ZSWIM2: variants seen among roughly 807,000 people sequenced by gnomAD.
The protein encoded by ZSWIM2 is E3 ubiquitin-protein ligase ZSWIM2.
ZSWIM2 carries 38 observed loss-of-function variants against 48.4 expected under a neutral mutation model. The observed-to-expected ratio is 0.79, with a 90% CI of 0.61 to 1.03. The LOEUF (loss-of-function observed/expected upper bound fraction) is 1.03. ZSWIM2 is among the 50% of genes least tolerant of loss of function. The probability of loss-of-function intolerance (pLI) is 0.00; values close to 1 mark genes in which losing one functional copy is unlikely to be tolerated. For synonymous variants in ZSWIM2, 240 were observed against 251.3 expected (o/e 0.96, Z 0.42); for missense variants, 776 against 730.2 (o/e 1.06, Z -0.72).
chr2:186,847,071 T>A lies in ZSWIM2; in HGVS notation c.242+648A>T, dbSNP rs544379097. Among the ~76,000 whole-genome samples the A allele has an allele frequency of 4.1e-5, 6 of 146,918 alleles. No individual in the cohort carries two copies. The South Asian group carries it at 1.3e-3, about 31-fold the overall frequency. On this transcript the variant is annotated intron_variant, in intron 2 of 8. Transcript: ENST00000295131. ...TAAGGCTGAAAAATCACTTATTGGG[T>A]ACAATGTTCACTATTGGGGTGATTA...
At chr2:186,831,961 A>C (rs1195131709) in intron 7 of ZSWIM2, among the ~76,000 whole-genome samples, 1 of 152,100 alleles carries the variant, frequency 6.6e-6, no homozygotes, top group African/African-American at 2.4e-5. Flanking sequence ...CCAACATGGC[A>C]CATGTATACA....
intron 6 of ZSWIM2, 36 bp downstream of exon 6, chr2:186,833,910 A>G (rs1260905886): frequency 6.6e-7 from 1 of 1,523,696 alleles, no homozygotes; most frequent in African/African-American, 1.4e-5. Context: ...CAGGACAAAT[A>G]GAAACACTGT....
At position 186,843,968 on chromosome 2, in the gene ZSWIM2, T is replaced by A. The variant is rs192705272; in HGVS notation, c.283+749A>T. Among the ~76,000 whole-genome samples, 132 of 151,864 alleles carry A rather than the reference T, an allele frequency of 8.7e-4. 1 individual carries two copies. The highest frequency in any genetic ancestry group is 1.6e-3 in the Non-Finnish European group (109 of 67,672). On this transcript the variant is annotated intron_variant, in intron 3 of 8. Transcript: ENST00000295131. Reference sequence around the variant, plus strand: ...AAACTTGCCTAAATAAAACCAATTCTTTTTGAATAGAAAAAATTTAAAACT... The same window carrying A: ...AAACTTGCCTAAATAAAACCAATTCATTTTGAATAGAAAAAATTTAAAACT...
At position 186,833,157 on chromosome 2, in the gene ZSWIM2, T is replaced by C. The variant is rs140928382; in HGVS notation, c.904A>G (p.Ile302Val). 3,598 of 1,513,434 alleles carry C rather than the reference T, an allele frequency of 2.4e-3. 13 individuals are homozygous for C. Among genetic ancestry groups the C allele is most frequent in the Admixed American group, 3.6e-3 (163 of 45,154 alleles). The allele number at this position is 1,513,434 out of a possible 1,614,324, so 93.8% of individuals were successfully genotyped here. The stretch of plus-strand genomic sequence containing the variant: ...TGAAAATGTGACATCTTTTCTTCAA[T>C]CTCATTTTTAGTATCTATGTATTTT... ...VVKYIDTKNE[I>V]EEKMSHFQEK... is the part of the protein sequence containing the mutation. The change falls in exon 7 of 9, where the codon ATT becomes GTT. Residue 302 changes from isoleucine (I) to valine (V), a missense_variant. By Grantham distance (29) the Ile-to-Val change is conservative (BLOSUM62 3). Transcript: ENST00000295131.
intron 5 of ZSWIM2, among the ~76,000 whole-genome samples, chr2:186,835,364 A>C (rs2105817930): frequency 6.6e-6 from 1 of 152,330 alleles, no homozygotes; most frequent in South Asian, 2.1e-4. Context: ...GCAGTAGTCA[A>C]GTAAACTTAT....
chr2:186,830,033 T>TA (rs1288881447), intron 7 of ZSWIM2, among the ~76,000 whole-genome samples, 153 bp from the exon 8 acceptor site: 2 of 152,124 alleles, frequency 1.3e-5, no homozygotes, highest in African/African-American at 2.4e-5. Flanking sequence ...ATTATAAAGT[T>TA]AAAAAAATCT....
rs772575533 is a variant in ZSWIM2 at position 186,847,734 on chromosome 2, C to T, written c.227G>A (p.Cys76Tyr). The change falls in exon 2 of 9, where the codon TGT (cysteine) becomes TAT (tyrosine). Residue 76 changes from cysteine (C) to tyrosine (Y), a missense_variant. Coordinates refer to ENST00000295131, the MANE Select transcript of ZSWIM2 (RefSeq NM_182521.3). ...AGTCACTTACCAGCAGATATGCTTA[C>T]AAAGTTCCCCTCCTTTCGGAAATGT... ...CSTFPKGGEL[C>Y]KHICWVLLKK... 6.2e-7 allele frequency: 1 copy of T among 1,603,942 alleles called. No homozygotes were observed. Among genetic ancestry groups the T allele is most frequent in the African/African-American group, 1.3e-5 (1 of 74,478 alleles).
chr2:186,828,769 T>C lies in ZSWIM2; in HGVS notation c.1117A>G (p.Asn373Asp). Residue 373 changes from asparagine to aspartate, a missense_variant, in exon 9 of 9, where the codon AAC (asparagine) becomes GAC (aspartate). Physicochemically the swap from Asn to Asp is conservative, Grantham distance 23. Coordinates refer to ENST00000295131, the MANE Select transcript of ZSWIM2 (RefSeq NM_182521.3). ...GAATTGCACTTGTGGAATAACCAGT[T>C]GTCAATACACTTCCTGTGAAACTTT... ...THKFHRKCID[N>D]WLFHKCNSCP... 5.1e-6 allele frequency: 8 copies of C among 1,573,788 alleles called. No individual in the cohort carries two copies. Among genetic ancestry groups the C allele is most frequent in the Non-Finnish European group, 6.9e-6 (8 of 1,160,386 alleles).
chr2:186,838,347 TAA>T lies in ZSWIM2; in HGVS notation c.494+610_494+611del, dbSNP rs762167435. On this transcript the variant is annotated intron_variant, in intron 4 of 8. Coordinates refer to ENST00000295131, the MANE Select transcript of ZSWIM2 (RefSeq NM_182521.3). ...AAATATTATTGTTGGCATTAATGAG[TAA>T]AAAAAAAAAAAGATTTGTACATATG... is the stretch of plus-strand genomic sequence containing the variant. 2.7e-3 allele frequency among the ~76,000 whole-genome samples: 379 copies of T among 138,668 alleles called. 2 individuals are homozygous for T. The highest frequency in any genetic ancestry group is 9.0e-3 in the African/African-American group (346 of 38,452). The allele number at this position is 138,668 out of a possible 152,430, so 91.0% of individuals were successfully genotyped here.
intron 3 of ZSWIM2, among the ~76,000 whole-genome samples, chr2:186,842,827 A>G (rs1691928350): frequency 6.6e-6 from 1 of 151,538 alleles, no homozygotes; most frequent in Non-Finnish European, 1.5e-5. Context: ...CTGATAATCT[A>G]TAGTTACAGA....
intron 3 of ZSWIM2, among the ~76,000 whole-genome samples, chr2:186,844,369 C>G (rs1271853550): frequency 1.3e-5 from 2 of 151,490 alleles, no homozygotes; most frequent in African/African-American, 4.8e-5. Flanking sequence ...CTAAAAAAAT[C>G]ACATTTGCTA....
intron 5 of ZSWIM2, among the ~76,000 whole-genome samples, chr2:186,835,012 A>G (rs1326770776): frequency 1.3e-5 from 2 of 152,090 alleles, no homozygotes; most frequent in Non-Finnish European, 2.9e-5. Flanking sequence ...TTCTCAGACT[A>G]CCTTAGCTTT....
intron 2 of ZSWIM2, among the ~76,000 whole-genome samples, chr2:186,845,926 A>G (rs1266429863): frequency 6.6e-6 from 1 of 151,826 alleles, no homozygotes; most frequent in Non-Finnish European, 1.5e-5. Flanking sequence ...GGAAAATTGC[A>G]GCCATATGCA....
chr2:186,828,825 C>G, intron 8 of ZSWIM2, 35 bp from the exon 9 acceptor site: 1 of 1,250,938 alleles, frequency 8.0e-7, no homozygotes, highest in Non-Finnish European at 1.0e-6. Flanking sequence ...AGAACTATAC[C>G]AATCTTGTTT....
At chr2:186,837,200 T>C in intron 5 of ZSWIM2, 106 bp downstream of exon 5, 3 of 1,189,040 alleles carry the variant, frequency 2.5e-6, no homozygotes, top group Non-Finnish European at 1.2e-6. Context: ...TCAAACAGTA[T>C]ATGCAGGAAG....
chr2:186,847,487 C>T (rs1176859391), intron 2 of ZSWIM2, among the ~76,000 whole-genome samples: 1 of 151,972 alleles, frequency 6.6e-6, no homozygotes, highest in Non-Finnish European at 1.5e-5. Context: ...TTGATTTTTT[C>T]TATTTAAAAG....
At chr2:186,837,726 A>T (rs1388591293) in intron 4 of ZSWIM2, among the ~76,000 whole-genome samples, 172 bp from the exon 5 acceptor site, 1 of 150,102 alleles carries the variant, frequency 6.7e-6, no homozygotes, top group African/African-American at 2.4e-5. Context: ...GCTTGATTAC[A>T]CACACACACT....
In ZSWIM2 at chr2:186,827,867, G is replaced by T; in HGVS notation, c.*117C>A. The stretch of plus-strand genomic sequence containing the variant: ...GTAGTGAGCTGTTTATAGGTAAGTA[G>T]GCAAATTCCAACAGAGAATTTTATA... On this transcript the variant is annotated 3_prime_UTR_variant, in exon 9 of 9. Transcript: ENST00000295131. 1.2e-6 allele frequency: 1 copy of T among 863,712 alleles called. No individual in the cohort carries two copies. Among genetic ancestry groups the T allele is most frequent in the Non-Finnish European group, 1.7e-6 (1 of 591,650 alleles). The allele number at this position is 863,712 out of a possible 1,614,324, so 53.5% of individuals were successfully genotyped here.
intron 2 of ZSWIM2, among the ~76,000 whole-genome samples, chr2:186,846,808 C>CATATATATAT (rs1264213432): frequency 0.014 from 705 of 50,282 alleles, 11 homozygotes; most frequent in African/African-American, 0.036. Context: ...CACACACACA[C>CATATATATAT]ACATATATAT....
Sources: allele counts gnomAD v4.1 joint callset (sites outside exome capture counted in the v4.1 genomes callset), GRCh38; gene constraint gnomAD v4.1.1; transcripts MANE v1.5; gene names NCBI Gene and HGNC (gene_info 2026-07-23, HGNC 2026-07-21).